USP34: variants seen among roughly 807,000 people sequenced by gnomAD.
USP34 encodes the protein ubiquitin specific peptidase 34.
USP34 carries 70 observed loss-of-function variants against 460.3 expected under a neutral mutation model. That is an observed-to-expected ratio of 0.15 (90% CI 0.13 to 0.19). The LOEUF is 0.19. Among genes scored for constraint, USP34 ranks in the 10% least tolerant of loss-of-function variants. The pLI is 1.00. For missense variants in USP34, 3,985 were observed against 4,236.2 expected (o/e 0.94, Z 1.65); for synonymous variants, 1,647 against 1,405.3 (o/e 1.17, Z -3.85).
At chr2:61,377,340 G>C (rs1692828105) in intron 8 of USP34, among the ~76,000 whole-genome samples, 1 of 152,000 alleles carries the variant, frequency 6.6e-6, no homozygotes, top group Non-Finnish European at 1.5e-5. Flanking sequence ...CTCTGTTCCA[G>C]AAAATATTCT....
In USP34 at chr2:61,331,388, A is replaced by C. The variant is rs771398522; in HGVS notation, c.2835-17T>G. ...TCTGCCCACCTGGCCCAAATAAAAGAAAAAATAATTTTAAAGTGGGCAGGG... is the reference window on the plus strand; with the variant it reads ...TCTGCCCACCTGGCCCAAATAAAAGCAAAAATAATTTTAAAGTGGGCAGGG... On this transcript the variant is annotated splice_polypyrimidine_tract_variant and intron_variant, in intron 19 of 79. Transcript: ENST00000398571. 9.9e-5 allele frequency: 159 copies of C among 1,602,444 alleles called. No homozygotes were observed. The highest frequency in any genetic ancestry group is 1.3e-4 in the Non-Finnish European group (151 of 1,175,074).
In USP34 at chr2:61,433,960, G is replaced by T. The variant is rs190434544; in HGVS notation, c.44-13127C>A. 1.3e-4 allele frequency among the ~76,000 whole-genome samples: 20 copies of T among 152,188 alleles called. 1 individual carries two copies. Among genetic ancestry groups the T allele is most frequent in the African/African-American group, 4.8e-4 (20 of 41,514 alleles). On this transcript the variant is annotated intron_variant, in intron 1 of 79. Transcript: ENST00000398571. ...TGCAACTTTGGTCCCGCACAGCAGGGAAAACCAACTCCCACAACCAGACCA... is the reference window on the plus strand; with the variant it reads ...TGCAACTTTGGTCCCGCACAGCAGGTAAAACCAACTCCCACAACCAGACCA...
chr2:61,328,519 TGAAG>T, intron 20 of USP34, among the ~76,000 whole-genome samples: 1 of 152,274 alleles, frequency 6.6e-6, no homozygotes, highest in Middle Eastern at 3.4e-3. Context: ...TTTTACAGCC[TGAAG>T]GAATAGGGAA....
chr2:61,461,511 T>C (rs1434308059), intron 1 of USP34, among the ~76,000 whole-genome samples: 2 of 152,166 alleles, frequency 1.3e-5, no homozygotes, highest in African/African-American at 2.4e-5. Flanking sequence ...GCTTAATACA[T>C]TCTCTACCAA....
In USP34 at chr2:61,278,169, C is replaced by A. The variant is rs974982707; in HGVS notation, c.5429G>T (p.Gly1810Val). The change falls in exon 41 of 80, where the codon GGA becomes GTA. Residue 1810 changes from glycine to valine, a missense_variant. Physicochemically the swap from Gly to Val is moderately radical, Grantham distance 109 (BLOSUM62 -3). Transcript: ENST00000398571. The part of the protein sequence containing the change: ...HKPPFKFSRE[G>V]QEFLRDIFNL... ...TTTGATTATCTTAACACTTACCTGT[C>A]CTTCCCTTGAAAATTTAAAGGGTGG... The A allele has an allele frequency of 5.0e-6, 8 of 1,612,522 alleles. No individual in the cohort carries two copies. Among genetic ancestry groups the A allele is most frequent in the African/African-American group, 2.7e-5 (2 of 74,902 alleles).
chr2:61,323,018 T>C (rs1386559157), intron 21 of USP34, among the ~76,000 whole-genome samples: 2 of 152,190 alleles, frequency 1.3e-5, no homozygotes, highest in Non-Finnish European at 2.9e-5. Context: ...AGTATTAAAA[T>C]ATTGGATGTA....
chr2:61,396,216 T>C (rs949471584), intron 3 of USP34, among the ~76,000 whole-genome samples: 3 of 152,196 alleles, frequency 2.0e-5, no homozygotes, highest in Non-Finnish European at 4.4e-5. Context: ...TTACACGTGC[T>C]TCCATTGCAT....
chr2:61,382,019 T>C (rs867240230), intron 6 of USP34, among the ~76,000 whole-genome samples: 1 of 152,178 alleles, frequency 6.6e-6, no homozygotes, highest in Middle Eastern at 3.4e-3. Context: ...TAATGACCAG[T>C]ATTATTGATT....
At chr2:61,229,700 A>G (rs1255578220) in intron 58 of USP34, 67 bp from the exon 59 acceptor site, 11 of 1,359,712 alleles carry the variant, frequency 8.1e-6, no homozygotes, top group Non-Finnish European at 1.1e-5. Flanking sequence ...AAAAATTAAC[A>G]TGATTCAAAA....
chr2:61,242,895 G>A (rs1445352641), intron 51 of USP34, among the ~76,000 whole-genome samples: 1 of 152,068 alleles, frequency 6.6e-6, no homozygotes, highest in African/African-American at 2.4e-5. Context: ...CTCCCAGGCT[G>A]GAGTGAAATG....
intron 10 of USP34, among the ~76,000 whole-genome samples, chr2:61,365,160 G>A (rs1558551713): frequency 6.6e-6 from 1 of 150,808 alleles, no homozygotes; most frequent in Non-Finnish European, 1.5e-5. Flanking sequence ...GCTGAGGCAG[G>A]AGAACTGCTT....
chr2:61,393,815 G>C (rs1006723093), intron 5 of USP34, among the ~76,000 whole-genome samples: 4 of 152,158 alleles, frequency 2.6e-5, no homozygotes, highest in Admixed American at 2.6e-4. Context: ...ATTAAAGAAT[G>C]AATTTTAATA....
chr2:61,214,143 C>CAGG lies in USP34; in HGVS notation c.8596_8598dup (p.Pro2866dup). 1 of 1,614,196 alleles carries CAGG rather than the reference C, an allele frequency of 6.2e-7. No individual in the cohort carries two copies. The highest frequency in any genetic ancestry group is 8.5e-7 in the Non-Finnish European group (1 of 1,180,038). ...TGAGAAGCCAGTTGTCGTGTGAATG[C>CAGG]AGGAGACTGCTCACAGCAGAGCCTC... On this transcript the variant is annotated inframe_insertion, in exon 68 of 80. Coordinates refer to ENST00000398571, the MANE Select transcript of USP34 (RefSeq NM_014709.4).
At chr2:61,300,457 G>A (rs1310622123) in intron 29 of USP34, among the ~76,000 whole-genome samples, 1 of 151,096 alleles carries the variant, frequency 6.6e-6, no homozygotes, top group South Asian at 2.1e-4. Context: ...AAAGTGCTGG[G>A]ATCACAGGCG....
chr2:61,430,792 T>C (rs1289136124), intron 1 of USP34, among the ~76,000 whole-genome samples: 1 of 152,068 alleles, frequency 6.6e-6, no homozygotes, highest in Non-Finnish European at 1.5e-5. Flanking sequence ...AGGCAAGAGA[T>C]CCCTTGAGGC....
intron 1 of USP34, among the ~76,000 whole-genome samples, chr2:61,458,561 GA>G (rs35618719): frequency 4.5e-4 from 43 of 96,548 alleles, no homozygotes; most frequent in African/African-American, 1.0e-3. Flanking sequence ...AACTGTCTCA[GA>G]AAAAAAAAAA....
intron 25 of USP34, among the ~76,000 whole-genome samples, chr2:61,312,465 T>G (rs1690623471): frequency 6.6e-6 from 1 of 151,822 alleles, no homozygotes; most frequent in African/African-American, 2.4e-5. Context: ...CGTGTCAATT[T>G]TCTAATTTTC....
At chr2:61,194,568 G>A (rs1027139440) in intron 75 of USP34, among the ~76,000 whole-genome samples, 1 of 152,184 alleles carries the variant, frequency 6.6e-6, no homozygotes, top group Non-Finnish European at 1.5e-5. Context: ...CGTGATCACA[G>A]ATCAGGGGCA....
chr2:61,232,302 C>G (rs1243207712), intron 58 of USP34, 150 bp downstream of exon 58: 2 of 659,364 alleles, frequency 3.0e-6, no homozygotes, highest in Non-Finnish European at 5.1e-6. Context: ...CTGGTGAAAC[C>G]AACAACAAAA....
Sources: gnomAD v4.1 joint callset for allele counts (sites outside exome capture counted in the v4.1 genomes callset) on GRCh38, gnomAD v4.1.1 for gene constraint, MANE v1.5 for transcripts, NCBI Gene and HGNC (gene_info 2026-07-23, HGNC 2026-07-21) for gene names.